Variants in TAFA2 observed in about 807,000 individuals in gnomAD.
TAFA2 encodes TAFA chemokine like family member 2, also known as chemokine-like protein TAFA-2.
In TAFA2, 7 loss-of-function variants were observed where a neutral mutation model predicts 18.8. The observed-to-expected ratio is 0.37, with a 90% CI of 0.21 to 0.70. The LOEUF (loss-of-function observed/expected upper bound fraction) is 0.70. Ranked by LOEUF, TAFA2 falls within the 30% of genes least tolerant of loss-of-function variation. TAFA2 has a pLI of 0.53. For missense variants in TAFA2, 122 were observed against 158.1 expected (o/e 0.77, Z 1.23); for synonymous variants, 60 against 54.2 (o/e 1.11, Z -0.47).
intron 1 of TAFA2, among the ~76,000 whole-genome samples, chr12:62,092,406 A>C (rs1868754920): frequency 6.6e-6 from 1 of 151,922 alleles, no homozygotes; most frequent in Admixed American, 6.6e-5. Context: ...CATTCTCTCT[A>C]ATCAGGGCTT....
chr12:61,886,686 T>C (rs927217293), intron 1 of TAFA2, among the ~76,000 whole-genome samples: 5 of 152,180 alleles, frequency 3.3e-5, no homozygotes, highest in African/African-American at 1.2e-4. Flanking sequence ...TACAGTCTAA[T>C]TGAAAGGATG....
intron 1 of TAFA2, among the ~76,000 whole-genome samples, chr12:61,938,357 C>A (rs1877860544): frequency 6.6e-6 from 1 of 151,134 alleles, no homozygotes. Flanking sequence ...TTCTAGGGTA[C>A]ATTTGCAGAT....
intron 1 of TAFA2, among the ~76,000 whole-genome samples, chr12:62,049,935 C>T (rs1360169680): frequency 6.6e-5 from 10 of 152,096 alleles, no homozygotes; most frequent in Non-Finnish European, 1.2e-4. Context: ...AAAGTGGCTT[C>T]GAAAAATTTG....
At chr12:62,195,369 C>G (rs576131503), upstream of TAFA2, among the ~76,000 whole-genome samples, 27 of 152,318 alleles carry the variant, frequency 1.8e-4, no homozygotes, top group South Asian at 4.1e-4. Context: ...ACAGAAGCAA[C>G]TCTTCTAGCA....
At chr12:62,009,545 A>G (rs17125650) in intron 1 of TAFA2, among the ~76,000 whole-genome samples, 2,699 of 152,340 alleles carry the variant, frequency 0.018, 41 homozygotes, top group Non-Finnish European at 0.023. Flanking sequence ...AAAGGACACT[A>G]GGCATTTAGA....
chr12:62,059,498 A>C (rs972034784), intron 1 of TAFA2, among the ~76,000 whole-genome samples: 2 of 152,044 alleles, frequency 1.3e-5, no homozygotes, highest in African/African-American at 4.8e-5. Context: ...ACTGTGAAGA[A>C]AAGTAAAGTG....
intron 1 of TAFA2, among the ~76,000 whole-genome samples, chr12:61,917,121 T>A (rs998741581): frequency 1.3e-5 from 2 of 152,134 alleles, no homozygotes; most frequent in African/African-American, 4.8e-5. Context: ...CTGTTCAAGA[T>A]CAAGAGGGAT....
At chr12:62,145,508 T>C (rs569524593) in intron 1 of TAFA2, 3 of 152,188 alleles carry the variant, frequency 2.0e-5, no homozygotes, top group Non-Finnish European at 2.9e-5. Flanking sequence ...GCCAAAAATG[T>C]TGGGGACCAC....
chr12:61,756,871 C>G (rs1248358570), intron 2 of TAFA2, among the ~76,000 whole-genome samples: 1 of 151,960 alleles, frequency 6.6e-6, no homozygotes, highest in Non-Finnish European at 1.5e-5. Flanking sequence ...AATATTAGAG[C>G]AGCAAATAAC....
Position 62,207,111 on chromosome 12 carries a change from C to T in TAFA2, c.-130+51652G>A, listed in dbSNP as rs1041971615. The T allele has an allele frequency of 3.3e-5, 5 of 152,124 alleles. No individual in the cohort carries two copies. The East Asian group carries it at 7.7e-4, about 23-fold the overall frequency. The allele number at this position is 152,124 out of a possible 1,614,324, so 9.4% of individuals were successfully genotyped here. A position where few individuals can be genotyped will look rare whatever the true frequency, so the allele number is the denominator to read the frequency against. ...CTATTAATTATTTTTCCTATGTGTT[C>T]CCAAACATCTATACTTCCCTCCATC... On this transcript the variant is annotated intron_variant, in intron 1 of 5. Coordinates refer to the TAFA2 transcript ENST00000551619.
intron 1 of TAFA2, among the ~76,000 whole-genome samples, chr12:62,185,285 G>A (rs1266253115): frequency 6.6e-6 from 1 of 152,170 alleles, no homozygotes; most frequent in Non-Finnish European, 1.5e-5. Context: ...GTTTTGTGGA[G>A]GATGAGATTT....
intron 1 of TAFA2, among the ~76,000 whole-genome samples, chr12:61,957,023 T>C (rs1878719083): frequency 6.6e-6 from 1 of 152,126 alleles, no homozygotes; most frequent in African/African-American, 2.4e-5. Context: ...CTACAAAATA[T>C]GTAGGTAGAA....
chr12:61,743,501 T>C (rs1413116096), intron 4 of TAFA2, among the ~76,000 whole-genome samples: 2 of 152,112 alleles, frequency 1.3e-5, no homozygotes, highest in Non-Finnish European at 2.9e-5. Flanking sequence ...CACAAAATCC[T>C]TTACATTTGC....
intron 1 of TAFA2, among the ~76,000 whole-genome samples, chr12:62,224,271 T>C (rs1008902090): frequency 6.6e-6 from 1 of 152,186 alleles, no homozygotes; most frequent in Non-Finnish European, 1.5e-5. Context: ...CCATGTTAGA[T>C]GTCTTGGTGT....
intron 2 of TAFA2, among the ~76,000 whole-genome samples, chr12:61,837,479 G>C (rs1464075790): frequency 1.3e-5 from 2 of 151,914 alleles, no homozygotes; most frequent in African/African-American, 2.4e-5. Flanking sequence ...CATGCCCTTG[G>C]TGTAGACAGC....
At chr12:62,232,944 G>A (rs908180917) in intron 1 of TAFA2, among the ~76,000 whole-genome samples, 2 of 151,608 alleles carry the variant, frequency 1.3e-5, no homozygotes, top group Non-Finnish European at 2.9e-5. Context: ...CCTTTTATCT[G>A]CCGTTAGCTC....
At chr12:61,998,929 G>A (rs1377559452) in intron 1 of TAFA2, among the ~76,000 whole-genome samples, 1 of 152,196 alleles carries the variant, frequency 6.6e-6, no homozygotes, top group Non-Finnish European at 1.5e-5. Flanking sequence ...GCAGGCAGCA[G>A]CTCATATCCT....
chr12:62,135,079 C>T lies in TAFA2; in HGVS notation c.-2+56180G>A, dbSNP rs143400812. On this transcript the variant is annotated intron_variant, in intron 1 of 4. Transcript: ENST00000416284. ...AATAATTCCATGTCATAATACTAAT[C>T]ACAAGTACTATAATAATTACTAAAT... Among the ~76,000 whole-genome samples, 523 of 152,114 alleles carry T rather than the reference C, an allele frequency of 3.4e-3. 4 individuals are homozygous for T. Among genetic ancestry groups the T allele is most frequent in the African/African-American group, 0.012 (511 of 41,530 alleles).
intron 2 of TAFA2, among the ~76,000 whole-genome samples, chr12:61,809,489 T>C (rs1731511366): frequency 6.6e-6 from 1 of 151,350 alleles, no homozygotes; most frequent in South Asian, 2.1e-4. Flanking sequence ...GGTTCAGAAG[T>C]AGTTGACCAA....
Sources: gnomAD v4.1 joint callset for allele counts (sites outside exome capture counted in the v4.1 genomes callset) on GRCh38, gnomAD v4.1.1 for gene constraint, MANE v1.5 for transcripts, NCBI Gene and HGNC (gene_info 2026-07-23, HGNC 2026-07-21) for gene names.